Variants in ACSS3 observed in about 807,000 individuals in gnomAD.
ACSS3 encodes acyl-CoA synthetase short chain family member 3.
ACSS3 carries 64 observed loss-of-function variants against 84.2 expected under a neutral mutation model. The ratio of observed to expected loss-of-function variants is 0.76; its 90% CI spans 0.62 to 0.94. The LOEUF is 0.94. ACSS3 is among the 40% of genes least tolerant of loss of function. The pLI is 0.00. For synonymous variants in ACSS3, 317 were observed against 310.1 expected (o/e 1.02, Z -0.23); for missense variants, 815 against 867.6 (o/e 0.94, Z 0.76).
intron 3 of ACSS3, among the ~76,000 whole-genome samples, chr12:81,138,176 T>C (rs1044272142): frequency 3.3e-5 from 5 of 152,224 alleles, no homozygotes; most frequent in African/African-American, 1.2e-4. Context: ...TAATTTATTA[T>C]GTGTCTCTTT....
At chr12:81,250,847 T>G (rs1392814360) in intron 13 of ACSS3, among the ~76,000 whole-genome samples, 1 of 152,132 alleles carries the variant, frequency 6.6e-6, no homozygotes, top group Non-Finnish European at 1.5e-5. Context: ...ACTTTCCAAG[T>G]CTATATCCTA....
chr12:81,155,025 A>G (rs899776000), intron 7 of ACSS3, among the ~76,000 whole-genome samples: 11 of 152,130 alleles, frequency 7.2e-5, no homozygotes, highest in Admixed American at 6.5e-5. Context: ...TTTCGAGCAT[A>G]TGTCTGTCAC....
chr12:81,222,852 A>G (rs1179159314), intron 11 of ACSS3, among the ~76,000 whole-genome samples: 3 of 152,062 alleles, frequency 2.0e-5, no homozygotes, highest in Admixed American at 2.0e-4. Context: ...TTACATTCAT[A>G]GAATTTATCT....
At chr12:81,082,060 T>C (rs895076946) in intron 1 of ACSS3, among the ~76,000 whole-genome samples, 3 of 152,200 alleles carry the variant, frequency 2.0e-5, no homozygotes, top group African/African-American at 7.2e-5. Flanking sequence ...ATTAAATTAT[T>C]ACAAAAGAGA....
At chr12:81,163,962 A>G (rs527439744) in intron 7 of ACSS3, among the ~76,000 whole-genome samples, 1 of 152,324 alleles carries the variant, frequency 6.6e-6, no homozygotes, top group East Asian at 1.9e-4. Flanking sequence ...TTATTATTGG[A>G]GAAATAAAAC....
chr12:81,260,518 C>T lies in ACSS3; in HGVS notation c.*5596C>T, dbSNP rs529789191. On this transcript the variant is annotated 3_prime_UTR_variant, in exon 16 of 16. Coordinates refer to ENST00000548058, the MANE Select transcript of ACSS3 (RefSeq NM_024560.4). ...TATTTTGGGAGACCTCTTATTTAGC[C>T]AAATTATTATATACTTTAAATCATG... 108 of 152,156 alleles carry T rather than the reference C, an allele frequency of 7.1e-4. 2 individuals carry two copies. Among genetic ancestry groups the T allele is most frequent in the African/African-American group, 2.5e-3 (104 of 41,532 alleles). The allele number at this position is 152,156 out of a possible 1,614,324, so 9.4% of individuals were successfully genotyped here.
At chr12:81,201,557 T>C (rs1254157491) in intron 9 of ACSS3, among the ~76,000 whole-genome samples, 3 of 152,240 alleles carry the variant, frequency 2.0e-5, no homozygotes, top group Non-Finnish European at 4.4e-5. Flanking sequence ...ATGAGGTCCC[T>C]GGTGGATACT....
chr12:81,097,621 C>T (rs1428232313), intron 1 of ACSS3, among the ~76,000 whole-genome samples: 2 of 152,170 alleles, frequency 1.3e-5, no homozygotes, highest in South Asian at 2.1e-4. Flanking sequence ...CTACCTGTGA[C>T]CATAGAGCTA....
chr12:81,111,037 T>C (rs746513545), intron 2 of ACSS3, among the ~76,000 whole-genome samples: 1 of 152,238 alleles, frequency 6.6e-6, no homozygotes, highest in South Asian at 2.1e-4. Context: ...TCCTGAGTTG[T>C]TGCAAATAAG....
chr12:81,251,521 A>C (rs2034150751), intron 13 of ACSS3, among the ~76,000 whole-genome samples: 1 of 151,884 alleles, frequency 6.6e-6, no homozygotes, highest in Admixed American at 6.6e-5. Context: ...TATTGCTATG[A>C]ATCTAAAACT....
intron 12 of ACSS3, among the ~76,000 whole-genome samples, chr12:81,232,644 T>C (rs2135972271): frequency 6.6e-6 from 1 of 151,852 alleles, no homozygotes; most frequent in Non-Finnish European, 1.5e-5. Flanking sequence ...GAACTCATTT[T>C]CCCATTTAAC....
At chr12:81,236,353 A>C (rs2033629925) in intron 13 of ACSS3, among the ~76,000 whole-genome samples, 2 of 151,498 alleles carry the variant, frequency 1.3e-5, no homozygotes, top group Non-Finnish European at 3.0e-5. Flanking sequence ...TGATTCGTAT[A>C]ATTAATAATT....
At chr12:81,177,213 C>T (rs1446234902) in intron 8 of ACSS3, among the ~76,000 whole-genome samples, 1 of 152,014 alleles carries the variant, frequency 6.6e-6, no homozygotes, top group Non-Finnish European at 1.5e-5. Flanking sequence ...ATATACTGAA[C>T]AGGGAAAAGC....
At chr12:81,179,271 C>CAAAAAAAAAAAAAAAAAACAAAAA (rs71098127) in intron 8 of ACSS3, among the ~76,000 whole-genome samples, 1 of 66,782 alleles carries the variant, frequency 1.5e-5, no homozygotes, top group Non-Finnish European at 2.7e-5. Flanking sequence ...AAGTAATTGC[C>CAAAAAAAAAAAAAAAAAACAAAAA]AAAAAAAAAA....
intron 3 of ACSS3, among the ~76,000 whole-genome samples, chr12:81,137,930 T>G (rs1254439933): frequency 2.0e-5 from 3 of 152,192 alleles, no homozygotes; most frequent in South Asian, 2.1e-4. Flanking sequence ...AAAGAGGTTC[T>G]GCAACCAGAC....
At position 81,147,800 on chromosome 12, in the gene ACSS3, T is replaced by G. The variant is rs80152612; in HGVS notation, c.922-4044T>G. Reference sequence around the variant, plus strand: ...ACGCCTGCCATCATCTGGTGATGGGTTTCTTTTCTTTCCTTCAAATAAAAT... The same window carrying G: ...ACGCCTGCCATCATCTGGTGATGGGGTTCTTTTCTTTCCTTCAAATAAAAT... On this transcript the variant is annotated intron_variant, in intron 5 of 15. Coordinates refer to ENST00000548058, the MANE Select transcript of ACSS3 (RefSeq NM_024560.4). Among the ~76,000 whole-genome samples, 9 of 152,170 alleles carry G rather than the reference T, an allele frequency of 5.9e-5. No individual in the cohort carries two copies. The East Asian group carries it at 1.7e-3, about 29-fold the overall frequency.
chr12:81,199,369 C>T lies in ACSS3; in HGVS notation c.1279C>T (p.Arg427Ter), dbSNP rs774448807. ...RFKTLFVAGE[R>*]CDVETLEWSK... is the part of the protein sequence containing the mutation. ...CAAAACATTATTTGTGGCTGGAGAA[C>T]GATGTGATGTAGAGACCCTGGAATG... The change falls in exon 9 of 16, where the codon CGA becomes TGA. Residue 427 changes from arginine (R) to a stop codon, truncating the protein, a stop_gained. Transcript: ENST00000548058. LOFTEE classifies it high-confidence loss of function. 6.8e-6 allele frequency: 11 copies of T among 1,613,306 alleles called. No individual in the cohort carries two copies. The highest frequency in any genetic ancestry group is 2.2e-5 in the East Asian group (1 of 44,826).
intron 1 of ACSS3, among the ~76,000 whole-genome samples, chr12:81,086,668 A>G (rs551055502): frequency 6.6e-6 from 1 of 152,296 alleles, no homozygotes; most frequent in East Asian, 1.9e-4. Flanking sequence ...CACATATAGT[A>G]TTAGTTGAAA....
chr12:81,104,699 C>A (rs957328491), intron 1 of ACSS3: 4 of 152,058 alleles, frequency 2.6e-5, no homozygotes, highest in Middle Eastern at 3.4e-3. Context: ...TTACCCTGAC[C>A]CATCATTCAT....
Sources: gnomAD v4.1 joint callset for allele counts (sites outside exome capture counted in the v4.1 genomes callset) on GRCh38, gnomAD v4.1.1 for gene constraint, MANE v1.5 for transcripts, NCBI Gene and HGNC (gene_info 2026-07-23, HGNC 2026-07-21) for gene names.